Variants in PLCD4 observed in about 807,000 individuals in gnomAD.
The protein encoded by PLCD4 is phospholipase C delta 4.
In PLCD4, 63 loss-of-function variants were observed where a neutral mutation model predicts 90.2. The ratio of observed to expected loss-of-function variants is 0.70; its 90% CI spans 0.57 to 0.86. The LOEUF (loss-of-function observed/expected upper bound fraction) is 0.86, where lower values mean the gene tolerates loss of function less well. PLCD4 is among the 40% of genes least tolerant of loss of function. PLCD4 has a pLI of 0.00. For synonymous variants in PLCD4, 294 were observed against 356.5 expected, an observed-to-expected ratio of 0.82 and a Z score of 1.97; for missense variants, 830 against 956.3, an observed-to-expected ratio of 0.87 and a Z score of 1.74.
At chr2:218,616,934 A>ATATATATATATATATG (rs1199144362) in intron 3 of PLCD4, among the ~76,000 whole-genome samples, 1 of 17,442 alleles carries the variant, frequency 5.7e-5, no homozygotes, top group Non-Finnish European at 1.0e-4. Context: ...ATATAGAGAG[A>ATATATATATATATATG]GAGAGAGAGA....
At chr2:218,628,315 G>A in intron 7 of PLCD4, 85 bp downstream of exon 7, 3 of 1,375,348 alleles carry the variant, frequency 2.2e-6, no homozygotes, top group Non-Finnish European at 1.0e-6. Flanking sequence ...TAACAGATTG[G>A]GACAGTGTTG....
At position 218,634,204 on chromosome 2, in the gene PLCD4, A is replaced by T. The variant is rs1408141251; in HGVS notation, c.1706A>T (p.Asn569Ile). Residue 569 changes from asparagine to isoleucine, a missense_variant, in exon 12 of 16, where the codon AAT becomes ATT. Transcript: ENST00000450993. The surrounding 1 kb of genome is among the most constrained non-coding windows in gnomAD (Gnocchi z 4.0). ...SSNYNPQELW[N>I]AGCQMVAMNM... Reference sequence around the variant, plus strand: ...AACTACAACCCCCAGGAACTCTGGAATGCAGGCTGCCAGATGGGTGAGGAG... The same window carrying T: ...AACTACAACCCCCAGGAACTCTGGATTGCAGGCTGCCAGATGGGTGAGGAG... 6.2e-7 allele frequency: 1 copy of T among 1,611,082 alleles called. No individual in the cohort carries two copies. Among genetic ancestry groups the T allele is most frequent in the Admixed American group, 1.7e-5 (1 of 59,464 alleles).
chr2:218,632,996 G>A (rs138338225), intron 10 of PLCD4, among the ~76,000 whole-genome samples: 2 of 152,240 alleles, frequency 1.3e-5, no homozygotes, highest in East Asian at 1.9e-4. Context: ...GTGTACTTGC[G>A]TGGCTCACTC....
At chr2:218,626,261 A>C (rs925297176) in intron 6 of PLCD4, among the ~76,000 whole-genome samples, 9 of 22,140 alleles carry the variant, frequency 4.1e-4, no homozygotes, top group Non-Finnish European at 8.7e-4. Flanking sequence ...TGTCTCCCAA[A>C]AAAAAAAAAA....
In PLCD4 at chr2:218,634,673, G is replaced by C; in HGVS notation, c.1896+43G>C. 1 of 1,596,508 alleles carries C rather than the reference G, an allele frequency of 6.3e-7. No individual in the cohort carries two copies. Among genetic ancestry groups the C allele is most frequent in the Non-Finnish European group, 8.6e-7 (1 of 1,168,258 alleles). On this transcript the variant is annotated intron_variant, in intron 13 of 15. Coordinates refer to ENST00000450993, the MANE Select transcript of PLCD4 (RefSeq NM_032726.4). The surrounding 1 kb of genome is among the most constrained non-coding windows in gnomAD (Gnocchi z 4.0). ...TGTTGGGAAGAAACTGAGATAACTGGGATAGAAGTGAGGGAAGAGGTGGCT... is the reference window on the plus strand; with the variant it reads ...TGTTGGGAAGAAACTGAGATAACTGCGATAGAAGTGAGGGAAGAGGTGGCT...
chr2:218,627,965 G>A, intron 6 of PLCD4, 64 bp from the exon 7 acceptor site: 4 of 1,422,518 alleles, frequency 2.8e-6, no homozygotes, highest in East Asian at 4.6e-5. Context: ...AGGATGGACT[G>A]TAGGTGTGCT....
chr2:218,611,103 C>T (rs1186245886), intron 1 of PLCD4, among the ~76,000 whole-genome samples: 1 of 152,114 alleles, frequency 6.6e-6, no homozygotes, highest in Non-Finnish European at 1.5e-5. Flanking sequence ...TTCACCTAAC[C>T]TTTCTAGTCC....
chr2:218,608,455 G>A lies in PLCD4; in HGVS notation c.-34+385G>A, dbSNP rs79979971. The stretch of plus-strand genomic sequence containing the variant: ...AAAATAGGGGTTGGCCAAGAACCAT[G>A]GGGAATCAGAGATCCCTGGTAATAG... On this transcript the variant is annotated intron_variant, in intron 1 of 15. Coordinates refer to ENST00000450993, the MANE Select transcript of PLCD4 (RefSeq NM_032726.4). Among the ~76,000 whole-genome samples, 406 of 152,300 alleles carry A rather than the reference G, an allele frequency of 2.7e-3. 3 individuals carry two copies. The highest frequency in any genetic ancestry group is 5.1e-3 in the Non-Finnish European group (349 of 68,018).
At chr2:218,635,618 C>G (rs1012320511) in intron 13 of PLCD4, among the ~76,000 whole-genome samples, 178 bp from the exon 14 acceptor site, 8 of 152,182 alleles carry the variant, frequency 5.3e-5, no homozygotes, top group African/African-American at 1.9e-4. Flanking sequence ...CAGGTGTGAG[C>G]CACCGTGCCC....
rs893691558 is a variant in PLCD4 at position 218,626,764 on chromosome 2, A to G, written c.773-1265A>G. On this transcript the variant is annotated intron_variant, in intron 6 of 15. Coordinates refer to ENST00000450993, the MANE Select transcript of PLCD4 (RefSeq NM_032726.4). ...GATCCTCAAAACATCATATGGGAAC[A>G]TGGACAGTAAGAAGAAACCCTCAGG... is the stretch of plus-strand genomic sequence containing the variant. Among the ~76,000 whole-genome samples, 6 of 152,186 alleles carry G rather than the reference A, an allele frequency of 3.9e-5. No homozygotes were observed. In the East Asian group the frequency reaches 1.2e-3, roughly 29 times the overall value.
At chr2:218,631,555 G>A (rs1487880699) in intron 9 of PLCD4, among the ~76,000 whole-genome samples, 1 of 152,122 alleles carries the variant, frequency 6.6e-6, no homozygotes, top group Non-Finnish European at 1.5e-5. Flanking sequence ...CCAGCACTTT[G>A]GGAGGCTGAG....
chr2:218,637,075 G>A lies in PLCD4; in HGVS notation c.*498G>A. 2 of 380,196 alleles carry A rather than the reference G, an allele frequency of 5.3e-6. No homozygotes were observed. Among genetic ancestry groups the A allele is most frequent in the Non-Finnish European group, 1.0e-5 (2 of 194,846 alleles). The allele number at this position is 380,196 out of a possible 1,614,324, so 23.6% of individuals were successfully genotyped here. On this transcript the variant is annotated 3_prime_UTR_variant, in exon 16 of 16. Transcript: ENST00000450993. The stretch of plus-strand genomic sequence containing the variant: ...ATTAGGGAAAGAGACTTGACCCCAG[G>A]ACTGTACTACGACTCTTAAGAGAAC...
At chr2:218,621,439 C>G (rs777463472) in intron 4 of PLCD4, 31 bp from the exon 5 acceptor site, 1 of 1,612,942 alleles carries the variant, frequency 6.2e-7, no homozygotes, top group Admixed American at 1.7e-5. Context: ...CAAACAGATA[C>G]ATTAGTGCTT....
At chr2:218,613,751 A>G (rs905653594) in intron 1 of PLCD4, among the ~76,000 whole-genome samples, 3 of 151,984 alleles carry the variant, frequency 2.0e-5, no homozygotes, top group Admixed American at 6.6e-5. Context: ...TTCTTTGTAG[A>G]GATGGAGGTC....
rs1440435555 is a variant in PLCD4 at position 218,634,138 on chromosome 2, T to C, written c.1640T>C (p.Leu547Ser). 1.9e-6 allele frequency: 3 copies of C among 1,612,478 alleles called. No homozygotes were observed. The African/African-American group carries it at 4.0e-5, about 22-fold the overall frequency. The change falls in exon 12 of 16, where the codon TTA becomes TCA. Residue 547 changes from leucine to serine, a missense_variant. Coordinates refer to ENST00000450993, the MANE Select transcript of PLCD4 (RefSeq NM_032726.4). This position sits in a 1 kb window ranked among gnomAD's most constrained non-coding sequence, Gnocchi z 4.0. ...NEFVQHNTWQ[L>S]SRVYPSGLRT... ...TTTGTGCAGCACAATACTTGGCAGT[T>C]AAGCCGTGTGTATCCCAGCGGCCTG...
Position 218,632,255 on chromosome 2 carries a change from G to GT in PLCD4, c.1395dup (p.Glu466Ter). The GT allele has an allele frequency of 6.2e-7, 1 of 1,611,552 alleles. No homozygotes were observed. The highest frequency in any genetic ancestry group is 1.1e-5 in the South Asian group (1 of 90,298). On this transcript the variant is annotated frameshift_variant, in exon 10 of 16. Coordinates refer to ENST00000450993, the MANE Select transcript of PLCD4 (RefSeq NM_032726.4). LOFTEE classifies it high-confidence loss of function. ...AGTCAGAATTGGCGCTGGAGTCCCAGTTTGAGACTGAGCCTGAGCCCCAGG... is the reference window on the plus strand; with the variant it reads ...AGTCAGAATTGGCGCTGGAGTCCCAGTTTTGAGACTGAGCCTGAGCCCCAGG...
intron 8 of PLCD4, among the ~76,000 whole-genome samples, chr2:218,630,384 C>A (rs1447011903): frequency 6.6e-6 from 1 of 152,108 alleles, no homozygotes; most frequent in Non-Finnish European, 1.5e-5. Context: ...ACTCAAAGGT[C>A]CCAGAGGGGC....
rs1553571999 is a variant in PLCD4, at chr2:218,616,960, A to AGAGAT, written c.181+902_181+903insTGAGA. ...GAGAGAGAGAGAGAGAGAGAGAGAG[A>AGAGAT]GAGAGAGAGAGAGAGAGAGAGAGAG... On this transcript the variant is annotated intron_variant, in intron 3 of 15. Coordinates refer to ENST00000450993, the MANE Select transcript of PLCD4 (RefSeq NM_032726.4). Among the ~76,000 whole-genome samples the AGAGAT allele has an allele frequency of 5.3e-4, 49 of 92,648 alleles. 4 individuals are homozygous for AGAGAT. Among genetic ancestry groups the AGAGAT allele is most frequent in the African/African-American group, 1.7e-3 (40 of 22,980 alleles). 60.8% of individuals were successfully genotyped at this position (92,648 alleles called of 152,430 possible).
At chr2:218,619,918 C>T (rs182722019) in intron 4 of PLCD4, among the ~76,000 whole-genome samples, 63 of 152,316 alleles carry the variant, frequency 4.1e-4, no homozygotes, top group African/African-American at 1.4e-3. Flanking sequence ...CACTCTGTCA[C>T]CCAAGCTGGA....
Sources: allele counts gnomAD v4.1 joint callset (sites outside exome capture counted in the v4.1 genomes callset), GRCh38; gene constraint gnomAD v4.1.1; non-coding constraint Gnocchi (gnomAD v3.1); transcripts MANE v1.5; gene names NCBI Gene and HGNC (gene_info 2026-07-23, HGNC 2026-07-21).